The following SAMD8 variants were observed in gnomAD, a reference collection of about 807,000 sequenced individuals.
SAMD8 encodes the protein sphingomyelin synthase-related protein 1.
SAMD8 carries 20 observed loss-of-function variants against 42.0 expected under a neutral mutation model. The observed-to-expected ratio is 0.48, with a 90% CI of 0.34 to 0.69. The LOEUF is 0.69. SAMD8 is among the 30% of genes least tolerant of loss of function. SAMD8 has a pLI of 0.01. For synonymous variants in SAMD8, 162 were observed against 173.0 expected, an observed-to-expected ratio of 0.94 and a Z score of 0.50; for missense variants, 328 against 511.6, an observed-to-expected ratio of 0.64 and a Z score of 3.46.
upstream of SAMD8, among the ~76,000 whole-genome samples, chr10:75,111,103 G>A (rs1457805122): frequency 6.6e-6 from 1 of 152,176 alleles, no homozygotes; most frequent in African/African-American, 2.4e-5. Flanking sequence ...GTGAGCCTCC[G>A]CTCCCGGCCT....
chr10:75,141,632 C>T (rs554168313), intron 1 of SAMD8, among the ~76,000 whole-genome samples: 1 of 151,470 alleles, frequency 6.6e-6, no homozygotes, highest in Admixed American at 6.6e-5. Flanking sequence ...AGCTCCGTCT[C>T]CCGGGTTCAC....
In SAMD8 at chr10:75,138,982, C is replaced by T. The variant is rs547944798; in HGVS notation, c.-15-11532C>T. 5.8e-5 allele frequency among the ~76,000 whole-genome samples: 8 copies of T among 137,172 alleles called. No homozygotes were observed. The East Asian group carries it at 1.5e-3, about 25-fold the overall frequency. The allele number at this position is 137,172 out of a possible 152,430, so 90.0% of individuals were successfully genotyped here. A position where few individuals can be genotyped will look rare whatever the true frequency, so the allele number is the denominator to read the frequency against. ...TCTTTTTTTTTTTTTTTTTTTGAGACGGAGTTTCGCTCTTGCTGCCCAGGC... is the reference window on the plus strand; with the variant it reads ...TCTTTTTTTTTTTTTTTTTTTGAGATGGAGTTTCGCTCTTGCTGCCCAGGC... On this transcript the variant is annotated intron_variant, in intron 1 of 5. Coordinates refer to ENST00000542569, the MANE Select transcript of SAMD8 (RefSeq NM_001174156.2).
At chr10:75,160,067 A>C (rs938513809) in intron 2 of SAMD8, among the ~76,000 whole-genome samples, 4 of 152,226 alleles carry the variant, frequency 2.6e-5, no homozygotes, top group Non-Finnish European at 4.4e-5. Flanking sequence ...TAAAAAGCAA[A>C]CATAAATAAT....
chr10:75,112,430 G>A (rs1848793960), intron 1 of SAMD8, among the ~76,000 whole-genome samples: 1 of 152,110 alleles, frequency 6.6e-6, no homozygotes, highest in African/African-American at 2.4e-5. Flanking sequence ...GATCACTAGG[G>A]CAATGTACTT....
chr10:75,156,336 C>A (rs555318068), intron 2 of SAMD8, among the ~76,000 whole-genome samples: 1 of 152,078 alleles, frequency 6.6e-6, no homozygotes, highest in Non-Finnish European at 1.5e-5. Context: ...AAGAATAATA[C>A]GAGCAAATAA....
intron 1 of SAMD8, among the ~76,000 whole-genome samples, chr10:75,141,445 T>G (rs1840012755): frequency 6.6e-6 from 1 of 152,058 alleles, no homozygotes; most frequent in Non-Finnish European, 1.5e-5. Context: ...CTAGTAACTG[T>G]TTTTGGTATA....
intron 1 of SAMD8, among the ~76,000 whole-genome samples, chr10:75,113,752 A>C (rs1056342948): frequency 6.6e-6 from 1 of 152,216 alleles, no homozygotes; most frequent in Admixed American, 6.5e-5. Context: ...CTTTAACTTA[A>C]TACAAATTAT....
At position 75,144,908 on chromosome 10, in the gene SAMD8, C is replaced by G. The variant is rs547200957; in HGVS notation, c.-15-5606C>G. Among the ~76,000 whole-genome samples the G allele has an allele frequency of 7.9e-5, 12 of 152,322 alleles. No individual in the cohort carries two copies. The South Asian group carries it at 2.5e-3, about 32-fold the overall frequency. On this transcript the variant is annotated intron_variant, in intron 1 of 5. Transcript: ENST00000542569. ...TCATAGGCTTAAGCAATCCTCCCAC[C>G]TCAGCCTCCCAAAGTGTTGGGATTG...
At chr10:75,102,562 C>T (rs1848236501) in intron 1 of SAMD8, among the ~76,000 whole-genome samples, 1 of 152,220 alleles carries the variant, frequency 6.6e-6, no homozygotes. Flanking sequence ...AATCCCGACA[C>T]TTTGGGAGGC....
At position 75,181,877 on chromosome 10, in the gene SAMD8, C is replaced by T. The variant is rs1361955129; in HGVS notation, c.*5185C>T. On this transcript the variant is annotated 3_prime_UTR_variant, in exon 6 of 6. Transcript: ENST00000542569. Reference sequence around the variant, plus strand: ...TACTTAATGGGGGAAGCAAAATTAGCTGGGACTAAAACGGACATGTTTTGT... The same window carrying T: ...TACTTAATGGGGGAAGCAAAATTAGTTGGGACTAAAACGGACATGTTTTGT... 6.6e-6 allele frequency: 1 copy of T among 152,114 alleles called. No homozygotes were observed. Among genetic ancestry groups the T allele is most frequent in the Non-Finnish European group, 1.5e-5 (1 of 68,026 alleles). 9.4% of individuals were successfully genotyped at this position (152,114 alleles called of 1,614,324 possible). A position where few individuals can be genotyped will look rare whatever the true frequency, so the allele number is the denominator to read the frequency against.
Position 75,176,532 on chromosome 10 carries a change from A to G in SAMD8, c.1088A>G (p.Tyr363Cys), listed in dbSNP as rs190853513. 6.4e-7 allele frequency: 1 copy of G among 1,550,614 alleles called. No homozygotes were observed. Among genetic ancestry groups the G allele is most frequent in the African/African-American group, 1.4e-5 (1 of 73,168 alleles). Residue 363 changes from tyrosine (Y) to cysteine (C), a missense_variant, in exon 6 of 6, where the codon TAC becomes TGC. Around this residue, in one of 2 missense-constraint regions of SAMD8, gnomAD observed 178 missense variants for 325.6 expected, o/e 0.55. Coordinates refer to ENST00000542569, the MANE Select transcript of SAMD8 (RefSeq NM_001174156.2). This position sits in a 1 kb window ranked among gnomAD's most constrained non-coding sequence, Gnocchi z 4.3. ...FYITTRLFLY[Y>C]HTLANTRAYQ... ...ATAACAACAAGACTCTTTTTGTACT[A>G]CCATACTCTGGCCAATACCAGAGCA...
chr10:75,125,513 G>T (rs1200940903), intron 1 of SAMD8: 1 of 152,326 alleles, frequency 6.6e-6, no homozygotes, highest in Non-Finnish European at 1.5e-5. Flanking sequence ...CTACTTGGGA[G>T]GCTTAGGTGG....
chr10:75,141,225 G>A (rs971819040), intron 1 of SAMD8, among the ~76,000 whole-genome samples: 1 of 151,960 alleles, frequency 6.6e-6, no homozygotes. Flanking sequence ...TGGTGCGCAT[G>A]CACCTGTGGT....
Position 75,150,630 on chromosome 10 carries a change from C to T in SAMD8, c.102C>T (p.Cys34=), listed in dbSNP as rs758559587. ...TTTTTGAATATGTGGACATTTTATG[C>T]AATAAGCACCGACTTGATGGAATCA... ...EGFFEYVDIL[C]NKHRLDGITL... is the part of the protein sequence containing the mutation. Residue 34 remains cysteine, a synonymous_variant, in exon 2 of 6, where the codon TGC becomes TGT. Transcript: ENST00000542569. 3.1e-6 allele frequency: 5 copies of T among 1,614,010 alleles called. No individual in the cohort carries two copies. The highest frequency in any genetic ancestry group is 4.2e-6 in the Non-Finnish European group (5 of 1,180,030).
At position 75,176,304 on chromosome 10, in the gene SAMD8, G is replaced by A. The variant is rs190376722; in HGVS notation, c.944-84G>A. ...AGGGTGTCAGATCCTGTGAAGAATG[G>A]CAAAACAGCCTGACCTGAGAAACGT... On this transcript the variant is annotated intron_variant, in intron 5 of 5. Transcript: ENST00000542569. The surrounding 1 kb of genome is among the most constrained non-coding windows in gnomAD (Gnocchi z 4.3). The A allele has an allele frequency of 1.8e-5, 29 of 1,605,938 alleles. No homozygotes were observed. The African/African-American group carries it at 2.1e-4, about 12-fold the overall frequency.
chr10:75,160,380 T>G (rs1840530422), intron 2 of SAMD8, among the ~76,000 whole-genome samples: 1 of 147,912 alleles, frequency 6.8e-6, no homozygotes, highest in Non-Finnish European at 1.5e-5. Flanking sequence ...TTTTTTTTTG[T>G]ATTTTTTAGT....
intron 3 of SAMD8, among the ~76,000 whole-genome samples, chr10:75,165,831 C>T (rs555227906): frequency 2.7e-5 from 4 of 150,914 alleles, no homozygotes; most frequent in Admixed American, 6.6e-5. Context: ...TAAAGATTAA[C>T]CAGGTGTGGT....
chr10:75,120,271 A>C (rs1848974071), intron 1 of SAMD8, among the ~76,000 whole-genome samples: 1 of 151,968 alleles, frequency 6.6e-6, no homozygotes, highest in Non-Finnish European at 1.5e-5. Flanking sequence ...TTTTTATTTT[A>C]TTTTATTTAT....
At chr10:75,166,835 C>T (rs866218267) in intron 3 of SAMD8, among the ~76,000 whole-genome samples, 5 of 152,120 alleles carry the variant, frequency 3.3e-5, no homozygotes, top group African/African-American at 1.2e-4. Flanking sequence ...AGAGGTAACC[C>T]GTTAAATCCA....
Sources: allele counts gnomAD v4.1 joint callset (sites outside exome capture counted in the v4.1 genomes callset), GRCh38; gene constraint gnomAD v4.1.1; regional missense constraint gnomAD v4.1.1; non-coding constraint Gnocchi (gnomAD v3.1); transcripts MANE v1.5; gene names NCBI Gene and HGNC (gene_info 2026-07-23, HGNC 2026-07-21).